Variants in CEP128 observed in about 807,000 individuals in gnomAD.
The protein encoded by CEP128 is centrosomal protein 128.
Under a neutral mutation model 156.7 loss-of-function variants are expected in CEP128, and 132 were observed. That is an observed-to-expected ratio of 0.84 (90% CI 0.73 to 0.97). The LOEUF (loss-of-function observed/expected upper bound fraction) is 0.97. CEP128 is among the 50% of genes least tolerant of loss of function. The pLI, the probability that CEP128 is intolerant of heterozygous loss-of-function variation, is 0.00. For synonymous variants in CEP128, 469 were observed against 448.9 expected (o/e 1.04, Z -0.57); for missense variants, 1,252 against 1,281.9 (o/e 0.98, Z 0.36).
chr14:80,623,315 G>C (rs1160650544), intron 19 of CEP128, among the ~76,000 whole-genome samples: 2 of 148,872 alleles, frequency 1.3e-5, no homozygotes, highest in East Asian at 4.0e-4. Context: ...GTTGTGGGGT[G>C]GGGGGAAGGG....
At chr14:80,503,761 C>G (rs1887843983) in intron 24 of CEP128, among the ~76,000 whole-genome samples, 1 of 152,086 alleles carries the variant, frequency 6.6e-6, no homozygotes, top group Non-Finnish European at 1.5e-5. Context: ...ACTTGAGGTC[C>G]ATATTGAAGG....
At chr14:80,872,146 T>C (rs575207194) in intron 8 of CEP128, among the ~76,000 whole-genome samples, 44 of 152,264 alleles carry the variant, frequency 2.9e-4, no homozygotes, top group Admixed American at 5.2e-4. Context: ...TAAAATAGAA[T>C]TGACTTTTTC....
At chr14:80,852,915 A>G (rs575643615) in intron 9 of CEP128, among the ~76,000 whole-genome samples, 35 of 152,038 alleles carry the variant, frequency 2.3e-4, no homozygotes, top group African/African-American at 8.4e-4. Context: ...AAAAATAGCA[A>G]GTTAATTCAG....
intron 9 of CEP128, among the ~76,000 whole-genome samples, chr14:80,858,784 A>G (rs1040844443): frequency 9.2e-5 from 14 of 152,088 alleles, no homozygotes; most frequent in African/African-American, 3.4e-4. Flanking sequence ...CAGCCAAAAA[A>G]CACATGAAAA....
At chr14:80,795,144 C>T (rs1186521694) in intron 13 of CEP128, among the ~76,000 whole-genome samples, 1 of 152,170 alleles carries the variant, frequency 6.6e-6, no homozygotes, top group Non-Finnish European at 1.5e-5. Flanking sequence ...ATGTTATCAA[C>T]CTATTGCTAA....
intron 8 of CEP128, among the ~76,000 whole-genome samples, chr14:80,877,067 A>G (rs1196654064): frequency 6.6e-6 from 1 of 152,214 alleles, no homozygotes; most frequent in East Asian, 1.9e-4. Flanking sequence ...TTGAGGTGCT[A>G]TAAGATCTTT....
At chr14:80,829,100 A>AGGT (rs1003589765) in intron 13 of CEP128, among the ~76,000 whole-genome samples, 1 of 152,228 alleles carries the variant, frequency 6.6e-6, no homozygotes, top group Non-Finnish European at 1.5e-5. Context: ...GGCCTCCAAA[A>AGGT]GGTGCCATAA....
intron 18 of CEP128, among the ~76,000 whole-genome samples, chr14:80,747,894 C>T (rs967989429): frequency 6.6e-6 from 1 of 152,128 alleles, no homozygotes; most frequent in Non-Finnish European, 1.5e-5. Context: ...ATGGCTAAGG[C>T]GTCCTGATTT....
chr14:80,955,650 G>T, intron 2 of CEP128: 1 of 1,613,020 alleles, frequency 6.2e-7, no homozygotes, highest in Non-Finnish European at 8.5e-7. Context: ...GATTTCGGAG[G>T]ATGGAGAAAT....
At chr14:80,702,301 G>A (rs996165183) in intron 19 of CEP128, among the ~76,000 whole-genome samples, 6 of 152,080 alleles carry the variant, frequency 3.9e-5, no homozygotes, top group African/African-American at 9.7e-5. Context: ...CAAGGTTTAG[G>A]AGGAAAATCA....
chr14:80,499,319 T>A (rs760416592), intron 24 of CEP128, among the ~76,000 whole-genome samples: 2 of 152,228 alleles, frequency 1.3e-5, no homozygotes, highest in Non-Finnish European at 2.9e-5. Flanking sequence ...CCCCACGGAC[T>A]TAAACTACCA....
At chr14:80,719,884 T>C (rs1343563235) in intron 19 of CEP128, among the ~76,000 whole-genome samples, 1 of 152,128 alleles carries the variant, frequency 6.6e-6, no homozygotes, top group African/African-American at 2.4e-5. Context: ...TTAGAGAATT[T>C]AGAGTCTAAT....
chr14:80,503,757 G>A (rs1250939595), intron 24 of CEP128, among the ~76,000 whole-genome samples: 1 of 152,076 alleles, frequency 6.6e-6, no homozygotes, highest in Admixed American at 6.5e-5. Context: ...ACCAACTTGA[G>A]GTCCATATTG....
intron 2 of CEP128, among the ~76,000 whole-genome samples, chr14:80,930,520 G>T (rs150854592): frequency 2.8e-4 from 42 of 152,270 alleles, no homozygotes; most frequent in African/African-American, 1.0e-3. Flanking sequence ...GATGCTAAAA[G>T]TGCCAACAAG....
chr14:80,740,504 A>AGAT (rs1555397281), intron 19 of CEP128, among the ~76,000 whole-genome samples: 3 of 106,398 alleles, frequency 2.8e-5, no homozygotes, highest in African/African-American at 9.8e-5. Flanking sequence ...CTAGATAGAT[A>AGAT]GATAGATAGA....
At chr14:80,542,868 T>C (rs1321217288) in intron 21 of CEP128, among the ~76,000 whole-genome samples, 2 of 152,206 alleles carry the variant, frequency 1.3e-5, no homozygotes, top group Admixed American at 1.3e-4. Flanking sequence ...AGGGTCTAGG[T>C]TGATTTATTT....
At chr14:80,688,665 C>G (rs752180255) in intron 19 of CEP128, among the ~76,000 whole-genome samples, 1 of 152,092 alleles carries the variant, frequency 6.6e-6, no homozygotes, top group African/African-American at 2.4e-5. Flanking sequence ...TGAGTTGATG[C>G]CAGCTGTTTC....
chr14:80,508,218 A>G (rs1011186691), intron 23 of CEP128, among the ~76,000 whole-genome samples: 8 of 152,182 alleles, frequency 5.3e-5, no homozygotes, highest in Admixed American at 5.2e-4. Flanking sequence ...GCCTGGCCTA[A>G]TTTAAATTTT....
intron 8 of CEP128, among the ~76,000 whole-genome samples, chr14:80,886,920 A>C (rs1595548059): frequency 6.6e-6 from 1 of 152,340 alleles, no homozygotes; most frequent in East Asian, 1.9e-4. Flanking sequence ...GCTCAAAATA[A>C]AGGGATGAAG....
Sources: gnomAD v4.1 joint callset for allele counts (sites outside exome capture counted in the v4.1 genomes callset) on GRCh38, gnomAD v4.1.1 for gene constraint, MANE v1.5 for transcripts, NCBI Gene and HGNC (gene_info 2026-07-23, HGNC 2026-07-21) for gene names.